SEMA6A: variants seen among roughly 807,000 people sequenced by gnomAD.
The protein encoded by SEMA6A is semaphorin-6A.
SEMA6A carries 25 observed loss-of-function variants against 96.8 expected under a neutral mutation model. That is an observed-to-expected ratio of 0.26 (90% CI 0.19 to 0.36). SEMA6A has a LOEUF of 0.36. Among genes scored for constraint, SEMA6A ranks in the 10% least tolerant of loss-of-function variants. The probability of loss-of-function intolerance (pLI) is 1.00; values close to 1 mark genes in which losing one functional copy is unlikely to be tolerated. For synonymous variants in SEMA6A, 612 were observed against 518.0 expected (o/e 1.18, Z -2.46); for missense variants, 1,363 against 1,323.1 (o/e 1.03, Z -0.47).
chr5:116,561,115 C>T (rs201564705), intron 1 of SEMA6A, among the ~76,000 whole-genome samples: 4 of 152,262 alleles, frequency 2.6e-5, no homozygotes, highest in East Asian at 3.9e-4. Flanking sequence ...AATTACTTGA[C>T]CTCTTTGAAC....
At chr5:116,543,230 A>G (rs1336822529) in intron 1 of SEMA6A, among the ~76,000 whole-genome samples, 2 of 152,176 alleles carry the variant, frequency 1.3e-5, no homozygotes, top group Non-Finnish European at 2.9e-5. Context: ...ATGTTTTTGG[A>G]AAATTCTTAC....
intron 1 of SEMA6A, among the ~76,000 whole-genome samples, chr5:116,513,567 A>G (rs1182833900): frequency 6.6e-6 from 1 of 150,576 alleles, no homozygotes; most frequent in Admixed American, 6.6e-5. Context: ...GACTGTAATC[A>G]TTACCTTCAT....
intron 1 of SEMA6A, among the ~76,000 whole-genome samples, chr5:116,506,049 C>T (rs1758130839): frequency 6.6e-6 from 1 of 152,174 alleles, no homozygotes; most frequent in African/African-American, 2.4e-5. Flanking sequence ...TTGAACAAAG[C>T]TATTTTACAG....
intron 1 of SEMA6A, among the ~76,000 whole-genome samples, chr5:116,519,621 A>G (rs1268150926): frequency 6.6e-6 from 1 of 151,990 alleles, no homozygotes; most frequent in Admixed American, 6.6e-5. Flanking sequence ...AAGTCTCCAG[A>G]CCACTGCAGA....
At chr5:116,565,703 C>T (rs967897049) in intron 1 of SEMA6A, among the ~76,000 whole-genome samples, 11 of 152,038 alleles carry the variant, frequency 7.2e-5, no homozygotes, top group African/African-American at 2.7e-4. Flanking sequence ...GTATTTTAGG[C>T]CTAAGAACAA....
intron 1 of SEMA6A, among the ~76,000 whole-genome samples, chr5:116,541,736 G>A (rs971433533): frequency 6.6e-6 from 1 of 152,166 alleles, no homozygotes; most frequent in African/African-American, 2.4e-5. Context: ...AGGAGGCTGA[G>A]GCAGGAGAAT....
intron 1 of SEMA6A, among the ~76,000 whole-genome samples, chr5:116,563,151 A>G (rs1310094411): frequency 6.6e-6 from 1 of 152,204 alleles, no homozygotes; most frequent in East Asian, 1.9e-4. Context: ...GGCAAAGGAA[A>G]TGCTGCTAGG....
chr5:116,487,576 A>T (rs990404036), intron 9 of SEMA6A, among the ~76,000 whole-genome samples: 4 of 152,212 alleles, frequency 2.6e-5, no homozygotes, highest in African/African-American at 9.6e-5. Flanking sequence ...AGACACTTGA[A>T]TCTCGGGCCA....
In SEMA6A at chr5:116,505,372, A is replaced by C. The variant is rs534150828; in HGVS notation, c.-38-390T>G. On this transcript the variant is annotated intron_variant, in intron 1 of 18. Transcript: ENST00000343348. Reference sequence around the variant, plus strand: ...ATCTAGATTTTTCAGCTTCTTTGTAAAAATCAAAATACCTGCCATACTGAC... The same window carrying C: ...ATCTAGATTTTTCAGCTTCTTTGTACAAATCAAAATACCTGCCATACTGAC... 2.6e-5 allele frequency among the ~76,000 whole-genome samples: 4 copies of C among 152,116 alleles called. 1 individual carries two copies. The South Asian group carries it at 8.3e-4, about 32-fold the overall frequency.
rs1471156767 is a variant in SEMA6A at position 116,488,202 on chromosome 5, G to C, written c.656-6C>G. On this transcript the variant is annotated splice_polypyrimidine_tract_variant and splice_region_variant and intron_variant, in intron 8 of 18. Coordinates refer to ENST00000343348, the MANE Select transcript of SEMA6A (RefSeq NM_020796.5). ...GGCTTGAACAAAGTATGGTTCTGTA[G>C]ACAAACAGGCACTTTAATTGGGAAC... 1.9e-6 allele frequency: 3 copies of C among 1,585,436 alleles called. No individual in the cohort carries two copies. The highest frequency in any genetic ancestry group is 2.3e-5 in the South Asian group (2 of 88,418).
chr5:116,506,919 T>C (rs894159051), intron 1 of SEMA6A, among the ~76,000 whole-genome samples: 8 of 152,220 alleles, frequency 5.3e-5, no homozygotes, highest in Non-Finnish European at 7.3e-5. Flanking sequence ...CATTCATCTT[T>C]GTACAAATGT....
In SEMA6A at chr5:116,532,747, G is replaced by A. The variant is rs150845609; in HGVS notation, c.-38-27765C>T. Reference sequence around the variant, plus strand: ...ATCAATGAATCAGTAAAGACTTATCGGTACTGGAAAAGAAAAAAAAAAGTC... The same window carrying A: ...ATCAATGAATCAGTAAAGACTTATCAGTACTGGAAAAGAAAAAAAAAAGTC... On this transcript the variant is annotated intron_variant, in intron 1 of 18. Transcript: ENST00000343348. 2.1e-3 allele frequency among the ~76,000 whole-genome samples: 314 copies of A among 151,900 alleles called. 3 individuals carry two copies. The highest frequency in any genetic ancestry group is 7.1e-3 in the African/African-American group (293 of 41,424).
chr5:116,470,119 T>C (rs1756027557), intron 17 of SEMA6A, among the ~76,000 whole-genome samples: 1 of 152,238 alleles, frequency 6.6e-6, no homozygotes, highest in South Asian at 2.1e-4. Flanking sequence ...CTCAAAAATT[T>C]TAGAACCACC....
chr5:116,486,789 G>C lies in SEMA6A; in HGVS notation c.922C>G (p.Arg308Gly). 6.2e-7 allele frequency: 1 copy of C among 1,613,716 alleles called. No homozygotes were observed. The highest frequency in any genetic ancestry group is 8.5e-7 in the Non-Finnish European group (1 of 1,179,762). The change falls in exon 10 of 19, where the codon CGT (arginine) becomes GGT (glycine). Residue 308 changes from arginine to glycine, a missense_variant. Transcript: ENST00000343348. ...AVTDVIRING[R>G]DVVLATFSTP... ...GAAAACGTTGCCAGGACAACATCAC[G>C]CCCGTTGATACGAATCACATCTGTA...
intron 1 of SEMA6A, among the ~76,000 whole-genome samples, chr5:116,531,291 G>C (rs1329768116): frequency 6.6e-6 from 1 of 152,116 alleles, no homozygotes; most frequent in Non-Finnish European, 1.5e-5. Context: ...AGGTCAGATG[G>C]ACATGACTCA....
Position 116,491,730 on chromosome 5 carries a change from G to A in SEMA6A, c.535+10C>T. 2 of 1,610,350 alleles carry A rather than the reference G, an allele frequency of 1.2e-6. No homozygotes were observed. The highest frequency in any genetic ancestry group is 1.3e-5 in the African/African-American group (1 of 74,952). The stretch of plus-strand genomic sequence containing the variant: ...AAGCAAGTGCAACGAGGAGAAATCA[G>A]GTCGCTTACCTGCAAACAGTGCAAC... On this transcript the variant is annotated intron_variant, in intron 7 of 18. Coordinates refer to ENST00000343348, the MANE Select transcript of SEMA6A (RefSeq NM_020796.5).
intron 1 of SEMA6A, among the ~76,000 whole-genome samples, chr5:116,547,691 G>C (rs1292839649): frequency 1.4e-5 from 2 of 141,496 alleles, no homozygotes; most frequent in Non-Finnish European, 1.5e-5. Context: ...ATCTAAACCA[G>C]GGGATAAAAT....
chr5:116,516,592 CG>C (rs1472882694), intron 1 of SEMA6A, among the ~76,000 whole-genome samples: 1 of 151,890 alleles, frequency 6.6e-6, no homozygotes, highest in Non-Finnish European at 1.5e-5. Flanking sequence ...AGCAAAATAA[CG>C]TAGGTGTTTT....
chr5:116,510,592 A>G (rs1758359754), intron 1 of SEMA6A, among the ~76,000 whole-genome samples: 2 of 152,142 alleles, frequency 1.3e-5, no homozygotes, highest in East Asian at 3.9e-4. Flanking sequence ...CTGAGACACT[A>G]AAAATTACTT....
Sources: allele counts gnomAD v4.1 joint callset (sites outside exome capture counted in the v4.1 genomes callset), GRCh38; gene constraint gnomAD v4.1.1; transcripts MANE v1.5; gene names NCBI Gene and HGNC (gene_info 2026-07-23, HGNC 2026-07-21).